The following HERC4 variants were observed in gnomAD, a reference collection of about 807,000 sequenced individuals.
HERC4 encodes the protein probable E3 ubiquitin-protein ligase HERC4.
In HERC4, 28 loss-of-function variants were observed where a neutral mutation model predicts 124.3. The ratio of observed to expected loss-of-function variants is 0.23; its 90% CI spans 0.17 to 0.31. The LOEUF is 0.31. Among genes scored for constraint, HERC4 ranks in the 10% least tolerant of loss-of-function variants. The probability of loss-of-function intolerance (pLI) is 1.00; values close to 1 mark genes in which losing one functional copy is unlikely to be tolerated. For missense variants in HERC4, 713 were observed against 1,229.3 expected (o/e 0.58, Z 6.28); for synonymous variants, 407 against 421.5 (o/e 0.97, Z 0.42).
intron 15 of HERC4, among the ~76,000 whole-genome samples, chr10:67,986,905 GC>G: frequency 6.6e-6 from 1 of 151,998 alleles, no homozygotes; most frequent in East Asian, 1.9e-4. Flanking sequence ...ATAAAATCAA[GC>G]CCCCTTCTAA....
chr10:67,995,400 TG>T, intron 9 of HERC4: 2 of 302,988 alleles, frequency 6.6e-6, no homozygotes, highest in Admixed American at 4.3e-5. Context: ...GATTAATGCT[TG>T]ATCTATTACA....
At chr10:67,990,469 A>AAC in intron 13 of HERC4, 69 bp from the exon 14 acceptor site, 1 of 1,061,020 alleles carries the variant, frequency 9.4e-7, no homozygotes, top group South Asian at 2.5e-5. Flanking sequence ...AAAAAAAAAA[A>AAC]AGGAAGGCAG....
chr10:67,961,268 C>T (rs1289721106), intron 16 of HERC4: 2 of 158,372 alleles, frequency 1.3e-5, no homozygotes, highest in African/African-American at 4.8e-5. Context: ...GAAAGGTTCA[C>T]TTCAAATATA....
intron 8 of HERC4, among the ~76,000 whole-genome samples, chr10:68,018,068 G>T (rs1305292093): frequency 5.3e-5 from 8 of 151,912 alleles, no homozygotes; most frequent in Non-Finnish European, 1.2e-4. Context: ...AAAACCTGGT[G>T]AAAAGAATAA....
At chr10:67,994,348 ACTAAT>A (rs1160302823) in intron 9 of HERC4, 2 of 152,212 alleles carry the variant, frequency 1.3e-5, no homozygotes, top group African/African-American at 4.8e-5. Flanking sequence ...AAGATGGTTG[ACTAAT>A]CTACAGTACA....
chr10:68,055,918 A>C (rs2040525502), intron 3 of HERC4, among the ~76,000 whole-genome samples: 1 of 151,862 alleles, frequency 6.6e-6, no homozygotes, highest in African/African-American at 2.4e-5. Flanking sequence ...TGCCCGGCTA[A>C]TTTTTGTATT....
chr10:68,013,526 T>C (rs557611004), intron 9 of HERC4, among the ~76,000 whole-genome samples: 3 of 152,160 alleles, frequency 2.0e-5, no homozygotes, highest in Non-Finnish European at 2.9e-5. Context: ...CCTAGCCTAG[T>C]GTTAAGTCAA....
rs770368944 is a variant in HERC4 at position 67,993,344 on chromosome 10, C to CA, written c.1070-663dup. The CA allele has an allele frequency of 6.2e-3, 617 of 98,934 alleles. 3 individuals are homozygous for CA. The highest frequency in any genetic ancestry group is 0.058 in the South Asian group (185 of 3,210). The allele number at this position is 98,934 out of a possible 1,614,324, so 6.1% of individuals were successfully genotyped here. On this transcript the variant is annotated intron_variant, in intron 9 of 24. Coordinates refer to ENST00000373700, the MANE Select transcript of HERC4 (RefSeq NM_015601.4). ...TGGGCCAGAGCATAAGACTCCACCT[C>CA]AAAAAAAAAAAAAAAAGAAAGAATT...
At position 67,988,962 on chromosome 10, in the gene HERC4, T is replaced by C; in HGVS notation, c.1634-127A>G. ...TGAGAAAACCCCAGAAAGATGCATATAACACAATATCTTATGTAACATTTG... is the reference window on the plus strand; with the variant it reads ...TGAGAAAACCCCAGAAAGATGCATACAACACAATATCTTATGTAACATTTG... On this transcript the variant is annotated intron_variant, in intron 14 of 24. Transcript: ENST00000373700. 6 of 674,842 alleles carry C rather than the reference T, an allele frequency of 8.9e-6. No individual in the cohort carries two copies. The South Asian group carries it at 1.0e-4, about 12-fold the overall frequency. The allele number at this position is 674,842 out of a possible 1,614,324, so 41.8% of individuals were successfully genotyped here.
At chr10:68,059,011 G>A (rs1323888102) in intron 3 of HERC4, among the ~76,000 whole-genome samples, 1 of 151,840 alleles carries the variant, frequency 6.6e-6, no homozygotes, top group Non-Finnish European at 1.5e-5. Context: ...GGTTTTTTGT[G>A]TATCTATAAA....
At chr10:67,946,926 T>C (rs1403548245) in intron 19 of HERC4, among the ~76,000 whole-genome samples, 1 of 151,678 alleles carries the variant, frequency 6.6e-6, no homozygotes, top group Non-Finnish European at 1.5e-5. Flanking sequence ...CAAAACAAAA[T>C]TACAAATATA....
chr10:67,991,773 G>A (rs1417982026), intron 11 of HERC4, among the ~76,000 whole-genome samples: 1 of 151,936 alleles, frequency 6.6e-6, no homozygotes. Flanking sequence ...AAACCAGAAG[G>A]AACACATTTC....
At chr10:68,046,181 A>G (rs2040005129) in intron 3 of HERC4, among the ~76,000 whole-genome samples, 1 of 152,174 alleles carries the variant, frequency 6.6e-6, no homozygotes, top group African/African-American at 2.4e-5. Context: ...TTTATATCAA[A>G]ACATTCCCAT....
intron 15 of HERC4, among the ~76,000 whole-genome samples, chr10:67,978,487 C>T (rs754373150): frequency 1.8e-4 from 28 of 152,344 alleles, no homozygotes; most frequent in Non-Finnish European, 3.4e-4. Flanking sequence ...AGGTTTTTCA[C>T]TCTAGTCCCT....
chr10:68,043,593 G>C (rs2039874827), intron 4 of HERC4, among the ~76,000 whole-genome samples: 1 of 152,108 alleles, frequency 6.6e-6, no homozygotes, highest in African/African-American at 2.4e-5. Context: ...AAAGTGGGCA[G>C]ATCTTGAGGT....
chr10:67,977,497 T>A (rs943394192), intron 15 of HERC4, among the ~76,000 whole-genome samples: 3 of 152,112 alleles, frequency 2.0e-5, no homozygotes, highest in African/African-American at 4.8e-5. Flanking sequence ...CCATGGCAGC[T>A]ATGGGGCAAG....
intron 3 of HERC4, among the ~76,000 whole-genome samples, chr10:68,070,913 C>G (rs190049219): frequency 6.6e-6 from 1 of 152,264 alleles, no homozygotes; most frequent in East Asian, 1.9e-4. Flanking sequence ...TACTTTAATT[C>G]TATCCCATAA....
intron 19 of HERC4, among the ~76,000 whole-genome samples, chr10:67,951,989 A>G (rs7071409): frequency 0.47 from 71,210 of 152,004 alleles, 20,706 homozygotes; most frequent in Non-Finnish European, 0.66. Flanking sequence ...CTTGTTCTCC[A>G]CCACACCTCA....
chr10:68,043,245 T>C (rs532425290), intron 4 of HERC4, among the ~76,000 whole-genome samples: 30 of 152,308 alleles, frequency 2.0e-4, no homozygotes, highest in Non-Finnish European at 3.8e-4. Context: ...AGTTTTGCCA[T>C]GAATCATGGT....
Sources: gnomAD v4.1 joint callset for allele counts (sites outside exome capture counted in the v4.1 genomes callset) on GRCh38, gnomAD v4.1.1 for gene constraint, MANE v1.5 for transcripts, NCBI Gene and HGNC (gene_info 2026-07-23, HGNC 2026-07-21) for gene names.